The following MRTFB variants were observed in gnomAD, a reference collection of about 807,000 sequenced individuals.
MRTFB encodes myocardin-related transcription factor B.
In MRTFB, 29 loss-of-function variants were observed where a neutral mutation model predicts 104.2. That is an observed-to-expected ratio of 0.28 (90% confidence interval 0.21 to 0.38). MRTFB has a LOEUF of 0.38. MRTFB is among the 10% of genes least tolerant of loss of function. The pLI is 1.00. For missense variants in MRTFB, 1,270 were observed against 1,341.6 expected (o/e 0.95, Z 0.83); for synonymous variants, 535 against 519.5 (o/e 1.03, Z -0.41).
At chr16:14,196,170 T>TA (rs1317675554) in intron 3 of MRTFB, among the ~76,000 whole-genome samples, 1 of 152,212 alleles carries the variant, frequency 6.6e-6, no homozygotes, top group Non-Finnish European at 1.5e-5. Context: ...GCCCCATTTT[T>TA]AGCTGTCTGT....
At chr16:14,248,841 G>A in intron 12 of MRTFB, 85 bp from the exon 13 acceptor site, 1 of 1,421,732 alleles carries the variant, frequency 7.0e-7, no homozygotes, top group Non-Finnish European at 9.7e-7. Flanking sequence ...CAATCCCCAA[G>A]TGACCAGTGA....
the MRTFB span, among the ~76,000 whole-genome samples, chr16:14,059,997 ATTTTTT>A: frequency 9.0e-5 from 9 of 99,720 alleles, no homozygotes; most frequent in Admixed American, 2.3e-4. Context: ...GAGACATGTA[ATTTTTT>A]TTTTTTTTTT....
the MRTFB span, among the ~76,000 whole-genome samples, chr16:14,062,351 T>C: frequency 3.9e-5 from 6 of 152,152 alleles, no homozygotes; most frequent in Non-Finnish European, 5.9e-5. Context: ...CCCTGTGCTT[T>C]AGCTTCCAAA....
At chr16:14,067,656 A>T (rs1041105213), upstream of MRTFB, among the ~76,000 whole-genome samples, 1 of 152,198 alleles carries the variant, frequency 6.6e-6, no homozygotes, top group African/African-American at 2.4e-5. Context: ...CTATAAAAGC[A>T]GAGTCCTTTA....
chr16:14,175,909 A>C (rs944402099), intron 3 of MRTFB, among the ~76,000 whole-genome samples: 3 of 152,200 alleles, frequency 2.0e-5, no homozygotes, highest in Non-Finnish European at 4.4e-5. Flanking sequence ...TCTAGAAAAG[A>C]TAAACTAATT....
chr16:14,016,243 T>C, the MRTFB span, among the ~76,000 whole-genome samples: 4 of 152,040 alleles, frequency 2.6e-5, no homozygotes, highest in Non-Finnish European at 5.9e-5. Flanking sequence ...GTGAAAGCTC[T>C]ATTTAGAGAG....
chr16:14,249,573 C>A (rs1284827944), intron 13 of MRTFB, among the ~76,000 whole-genome samples: 1 of 152,170 alleles, frequency 6.6e-6, no homozygotes, highest in Non-Finnish European at 1.5e-5. Flanking sequence ...TCACCATTGC[C>A]TAGGTGTTTG....
At chr16:14,252,641 G>T in intron 15 of MRTFB, 139 bp downstream of exon 15, 1 of 1,080,884 alleles carries the variant, frequency 9.3e-7, no homozygotes, top group Non-Finnish European at 1.3e-6. Context: ...TATTTTACAT[G>T]GTTATTTAAA....
At chr16:14,202,582 T>C (rs2040755249) in intron 3 of MRTFB, among the ~76,000 whole-genome samples, 1 of 152,170 alleles carries the variant, frequency 6.6e-6, no homozygotes. Context: ...TTTTAAAGCC[T>C]TATGGTTTTA....
chr16:14,036,155 A>G, the MRTFB span, among the ~76,000 whole-genome samples: 2 of 19,806 alleles, frequency 1.0e-4, no homozygotes. Context: ...TATAATATAT[A>G]TTATATAAAA....
At chr16:14,007,825 A>G in the MRTFB span, among the ~76,000 whole-genome samples, 1 of 152,206 alleles carries the variant, frequency 6.6e-6, no homozygotes, top group African/African-American at 2.4e-5. Flanking sequence ...CCTGATGGCA[A>G]ATGATGTTGA....
intron 2 of MRTFB, among the ~76,000 whole-genome samples, chr16:14,097,398 G>T (rs72783461): frequency 0.017 from 2,596 of 152,230 alleles, 35 homozygotes; most frequent in Middle Eastern, 0.058. Context: ...TTCCCATCCA[G>T]TAGTAATTAA....
At chr16:14,233,299 A>G (rs532485009) in intron 8 of MRTFB, among the ~76,000 whole-genome samples, 2 of 152,348 alleles carry the variant, frequency 1.3e-5, no homozygotes, top group African/African-American at 4.8e-5. Flanking sequence ...ATGGGGGAAT[A>G]TGGTTAATGA....
intron 10 of MRTFB, among the ~76,000 whole-genome samples, chr16:14,243,614 A>G (rs1345441031): frequency 6.6e-6 from 1 of 152,176 alleles, no homozygotes; most frequent in Non-Finnish European, 1.5e-5. Context: ...AATTAGTACA[A>G]AGCACCTAAC....
At chr16:14,015,845 G>C in the MRTFB span, 1 of 398,584 alleles carries the variant, frequency 2.5e-6, no homozygotes, top group Non-Finnish European at 4.4e-6. Flanking sequence ...GGCTTTCCCA[G>C]AAGGTTCTGT....
chr16:14,045,773 T>G, the MRTFB span, among the ~76,000 whole-genome samples: 1 of 152,224 alleles, frequency 6.6e-6, no homozygotes, highest in African/African-American at 2.4e-5. Flanking sequence ...AGTACCTCTG[T>G]GTCCATCAGG....
At chr16:14,213,263 TAA>T (rs1171877805) in intron 5 of MRTFB, among the ~76,000 whole-genome samples, 2 of 152,228 alleles carry the variant, frequency 1.3e-5, no homozygotes, top group Non-Finnish European at 2.9e-5. Context: ...CTATGTTTAT[TAA>T]AAAACTATCT....
chr16:14,046,777 A>G, the MRTFB span, among the ~76,000 whole-genome samples: 1 of 152,270 alleles, frequency 6.6e-6, no homozygotes, highest in Non-Finnish European at 1.5e-5. Context: ...ACACGGCTGC[A>G]GAAGCACACA....
the MRTFB span, among the ~76,000 whole-genome samples, chr16:14,019,935 G>A: frequency 2.6e-5 from 4 of 152,146 alleles, no homozygotes; most frequent in African/African-American, 7.2e-5. Flanking sequence ...AATTGATTGC[G>A]GTTGAACTAT....
Sources: allele counts gnomAD v4.1 joint callset (sites outside exome capture counted in the v4.1 genomes callset), GRCh38; gene constraint gnomAD v4.1.1; transcripts MANE v1.5; gene names NCBI Gene and HGNC (gene_info 2026-07-23, HGNC 2026-07-21).